Variants in TP53BP1 observed in about 807,000 individuals in gnomAD.
TP53BP1 encodes the protein TP53-binding protein 1.
TP53BP1 carries 61 observed loss-of-function variants against 200.8 expected under a neutral mutation model. The ratio of observed to expected loss-of-function variants is 0.30; its 90% CI spans 0.25 to 0.38. The LOEUF (loss-of-function observed/expected upper bound fraction) is 0.38, where lower values mean the gene tolerates loss of function less well. Among genes scored for constraint, TP53BP1 ranks in the 10% least tolerant of loss-of-function variants. TP53BP1 has a pLI of 1.00. For missense variants in TP53BP1, 2,144 were observed against 2,371.9 expected, an observed-to-expected ratio of 0.90 and a Z score of 2.00; for synonymous variants, 822 against 844.3, an observed-to-expected ratio of 0.97 and a Z score of 0.46.
chr15:43,419,966 G>A (rs1350235685), intron 21 of TP53BP1, among the ~76,000 whole-genome samples: 2 of 152,178 alleles, frequency 1.3e-5, no homozygotes, highest in Non-Finnish European at 2.9e-5. Context: ...ATACACCAAG[G>A]TTGGATTTTT....
intron 1 of TP53BP1, among the ~76,000 whole-genome samples, chr15:43,498,620 A>G (rs1168087201): frequency 6.6e-6 from 1 of 152,222 alleles, no homozygotes; most frequent in East Asian, 1.9e-4. Context: ...AGAAGACTAC[A>G]AAGACAAAAC....
Position 43,455,872 on chromosome 15 carries a change from T to C in TP53BP1, c.2716+20A>G, listed in dbSNP as rs2046280869. ...ATTATAATTTAGGTGGAGACAAGAA[T>C]AATCTACAATCACACTCACCACTAG... On this transcript the variant is annotated intron_variant, in intron 12 of 27. Transcript: ENST00000382044. The C allele has an allele frequency of 6.2e-7, 1 of 1,609,798 alleles. No homozygotes were observed. The highest frequency in any genetic ancestry group is 1.1e-5 in the South Asian group (1 of 89,834).
chr15:43,415,568 A>G, intron 23 of TP53BP1, 26 bp downstream of exon 23: 1 of 1,612,318 alleles, frequency 6.2e-7, no homozygotes, highest in Non-Finnish European at 8.5e-7. Context: ...GTCTGAAGGA[A>G]GAATGAGGCA....
chr15:43,476,260 G>A (rs1169010988), intron 8 of TP53BP1, among the ~76,000 whole-genome samples: 2 of 151,986 alleles, frequency 1.3e-5, no homozygotes, highest in Admixed American at 6.6e-5. Flanking sequence ...GGGAGACTCC[G>A]TCTCAAAAAA....
At chr15:43,411,584 A>G (rs934424692) in intron 24 of TP53BP1, among the ~76,000 whole-genome samples, 4 of 152,244 alleles carry the variant, frequency 2.6e-5, no homozygotes, top group African/African-American at 7.2e-5. Context: ...TGAGATTGAG[A>G]AACCCCCAAG....
chr15:43,427,439 G>A (rs984867359), intron 18 of TP53BP1, among the ~76,000 whole-genome samples: 2 of 152,172 alleles, frequency 1.3e-5, no homozygotes, highest in Non-Finnish European at 2.9e-5. Flanking sequence ...ACATGAGAGA[G>A]ATTTATCAGT....
chr15:43,482,789 G>T (rs943057174), intron 4 of TP53BP1, among the ~76,000 whole-genome samples: 2 of 151,952 alleles, frequency 1.3e-5, no homozygotes, highest in Non-Finnish European at 2.9e-5. Context: ...AATTTAACCA[G>T]TGTGGTGTCA....
intron 11 of TP53BP1, among the ~76,000 whole-genome samples, chr15:43,465,592 T>C (rs2046556354): frequency 6.6e-6 from 1 of 151,640 alleles, no homozygotes; most frequent in African/African-American, 2.4e-5. Context: ...ATTAAAGAAA[T>C]AAATTTCTTT....
intron 21 of TP53BP1, among the ~76,000 whole-genome samples, chr15:43,418,180 TAAAAAAAAAA>T (rs757250428): frequency 1.0e-5 from 1 of 100,336 alleles, no homozygotes; most frequent in Non-Finnish European, 2.0e-5. Flanking sequence ...GCTCTGTTTT[TAAAAAAAAAA>T]AAAAAAAAAA....
intron 11 of TP53BP1, among the ~76,000 whole-genome samples, chr15:43,459,102 C>G (rs2046369326): frequency 6.6e-6 from 1 of 152,142 alleles, no homozygotes; most frequent in Non-Finnish European, 1.5e-5. Context: ...CTTTGGGAGG[C>G]CAAGACAGGC....
exon 1 of TP53BP1, chr15:43,510,414 C>A (rs750752106): frequency 6.5e-6 from 1 of 153,378 alleles, no homozygotes; most frequent in Non-Finnish European, 1.4e-5. Context: ...TCCAATACTG[C>A]GCAGCCTTCC....
chr15:43,463,879 T>A (rs892346647), intron 11 of TP53BP1, among the ~76,000 whole-genome samples: 2 of 152,148 alleles, frequency 1.3e-5, no homozygotes, highest in African/African-American at 4.8e-5. Flanking sequence ...AAAATCTACA[T>A]ATTGAATGAA....
chr15:43,491,099 C>T (rs1328139210), intron 4 of TP53BP1, among the ~76,000 whole-genome samples: 6 of 148,330 alleles, frequency 4.0e-5, no homozygotes, highest in Non-Finnish European at 7.4e-5. Context: ...TTTGCTGAGA[C>T]GGAGTCTCAC....
intron 14 of TP53BP1, among the ~76,000 whole-genome samples, chr15:43,442,119 T>C: frequency 7.0e-6 from 1 of 142,566 alleles, no homozygotes; most frequent in East Asian, 2.2e-4. Flanking sequence ...AGAGTCTCAC[T>C]CTGTCGCCCA....
chr15:43,411,715 C>G (rs550097808), intron 24 of TP53BP1, among the ~76,000 whole-genome samples: 2 of 152,300 alleles, frequency 1.3e-5, no homozygotes, highest in South Asian at 4.1e-4. Context: ...CCTGAAGATC[C>G]CTTCAAAAAC....
intron 12 of TP53BP1, among the ~76,000 whole-genome samples, chr15:43,450,873 A>G (rs1326544955): frequency 1.3e-5 from 2 of 151,958 alleles, no homozygotes; most frequent in African/African-American, 4.8e-5. Context: ...AGCATGCATT[A>G]TTTATTTACT....
chr15:43,490,461 T>C (rs1475637349), intron 4 of TP53BP1, among the ~76,000 whole-genome samples: 4 of 152,068 alleles, frequency 2.6e-5, no homozygotes, highest in Non-Finnish European at 4.4e-5. Context: ...TGGGCTCAAG[T>C]GATCCTCTTG....
At chr15:43,507,209 A>G (rs2079242091) in intron 1 of TP53BP1, among the ~76,000 whole-genome samples, 1 of 151,362 alleles carries the variant, frequency 6.6e-6, no homozygotes, top group South Asian at 2.1e-4. Context: ...ATCTCCACTC[A>G]CTGCAACCTC....
chr15:43,505,089 G>C (rs1043654137), intron 1 of TP53BP1, among the ~76,000 whole-genome samples: 3 of 152,064 alleles, frequency 2.0e-5, no homozygotes, highest in African/African-American at 7.2e-5. Context: ...ATGTTGGAAA[G>C]GGAAGTTAGG....
Sources: gnomAD v4.1 joint callset for allele counts (sites outside exome capture counted in the v4.1 genomes callset) on GRCh38, gnomAD v4.1.1 for gene constraint, MANE v1.5 for transcripts, NCBI Gene and HGNC (gene_info 2026-07-23, HGNC 2026-07-21) for gene names.